The following SLC35F3 variants were observed in gnomAD, a reference collection of about 807,000 sequenced individuals.
The protein encoded by SLC35F3 is putative thiamine transporter SLC35F3.
A neutral mutation model predicts 49.9 loss-of-function variants in SLC35F3; 25 were observed. The ratio of observed to expected loss-of-function variants is 0.50; its 90% CI spans 0.37 to 0.70. The LOEUF is 0.70. Ranked by LOEUF, SLC35F3 falls within the 30% of genes least tolerant of loss-of-function variation. The probability of loss-of-function intolerance (pLI) is 0.00; values close to 1 mark genes in which losing one functional copy is unlikely to be tolerated. For synonymous variants in SLC35F3, 275 were observed against 265.4 expected, an observed-to-expected ratio of 1.04 and a Z score of -0.35; for missense variants, 525 against 639.8, an observed-to-expected ratio of 0.82 and a Z score of 1.94.
intron 2 of SLC35F3, among the ~76,000 whole-genome samples, chr1:234,010,091 A>G (rs1663692377): frequency 1.3e-5 from 2 of 152,240 alleles, no homozygotes; most frequent in Non-Finnish European, 2.9e-5. Flanking sequence ...TAGGACTGCA[A>G]TGGTGACATG....
chr1:233,949,227 C>A (rs1662565161), intron 2 of SLC35F3, among the ~76,000 whole-genome samples: 1 of 152,148 alleles, frequency 6.6e-6, no homozygotes, highest in Admixed American at 6.5e-5. Context: ...GCCTCATTTT[C>A]TTTCCCTTTT....
intron 2 of SLC35F3, among the ~76,000 whole-genome samples, chr1:234,206,366 G>C (rs1192468248): frequency 6.6e-6 from 1 of 151,926 alleles, no homozygotes; most frequent in Non-Finnish European, 1.5e-5. Context: ...ATGAGGGACA[G>C]TGTGAGGAGC....
rs540943299 is a variant in SLC35F3 at position 234,217,117 on chromosome 1, T to C, written c.284-14300T>C. On this transcript the variant is annotated intron_variant, in intron 2 of 7. Coordinates refer to ENST00000366618, the MANE Select transcript of SLC35F3 (RefSeq NM_173508.4). ...TCCCCATGCTGTGGGTGTTTCTGTA[T>C]GGATGGCAGACAGGCTACAGGGAGG... Among the ~76,000 whole-genome samples, 10 of 152,348 alleles carry C rather than the reference T, an allele frequency of 6.6e-5. No homozygotes were observed. In the South Asian group the frequency reaches 2.1e-3, roughly 32 times the overall value.
At chr1:234,282,523 G>T (rs1365937174) in intron 3 of SLC35F3, among the ~76,000 whole-genome samples, 1 of 152,214 alleles carries the variant, frequency 6.6e-6, no homozygotes, top group Non-Finnish European at 1.5e-5. Context: ...TAGCCTTGCT[G>T]GGGAGGGCCT....
chr1:234,066,297 A>C (rs147196481), intron 2 of SLC35F3, among the ~76,000 whole-genome samples: 20 of 151,416 alleles, frequency 1.3e-4, no homozygotes, highest in African/African-American at 4.6e-4. Flanking sequence ...TTCCCATCTT[A>C]CTCCCAGGAG....
At chr1:233,940,351 G>GAC (rs1169931370) in intron 2 of SLC35F3, among the ~76,000 whole-genome samples, 89 of 131,742 alleles carry the variant, frequency 6.8e-4, no homozygotes, top group Middle Eastern at 3.7e-3. Context: ...AAGGGATACA[G>GAC]ACACACACAC....
At chr1:234,058,319 T>C (rs1347770033) in intron 2 of SLC35F3, among the ~76,000 whole-genome samples, 2 of 147,964 alleles carry the variant, frequency 1.4e-5, no homozygotes, top group African/African-American at 5.1e-5. Flanking sequence ...TCTTTATAAA[T>C]GTTCCTGAAT....
intron 3 of SLC35F3, among the ~76,000 whole-genome samples, chr1:234,267,493 T>C (rs1668006286): frequency 1.4e-5 from 2 of 144,700 alleles, no homozygotes; most frequent in African/African-American, 5.3e-5. Flanking sequence ...ATGGGGCGGC[T>C]GGCCGGGCGG....
At chr1:234,135,376 A>C (rs910636610) in intron 2 of SLC35F3, among the ~76,000 whole-genome samples, 1 of 152,230 alleles carries the variant, frequency 6.6e-6, no homozygotes, top group Non-Finnish European at 1.5e-5. Context: ...AAAAATGAAA[A>C]AAATTAAAAA....
chr1:234,041,147 AGTTAATT>A (rs1664214275), intron 2 of SLC35F3, among the ~76,000 whole-genome samples: 2 of 152,220 alleles, frequency 1.3e-5, no homozygotes, highest in Non-Finnish European at 2.9e-5. Context: ...CTGCTTCTAC[AGTTAATT>A]GTGAAACACA....
intron 2 of SLC35F3, among the ~76,000 whole-genome samples, chr1:234,110,932 CA>C (rs1358064773): frequency 6.6e-6 from 1 of 151,844 alleles, no homozygotes; most frequent in Non-Finnish European, 1.5e-5. Flanking sequence ...CCCCATAAAA[CA>C]AAATTTTAAA....
intron 3 of SLC35F3, among the ~76,000 whole-genome samples, chr1:234,236,856 G>T (rs998948778): frequency 2.0e-5 from 3 of 148,970 alleles, no homozygotes; most frequent in Non-Finnish European, 4.4e-5. Flanking sequence ...AGATGTGGAT[G>T]ACAATTGTTG....
At chr1:234,021,466 A>G (rs907332356) in intron 2 of SLC35F3, among the ~76,000 whole-genome samples, 3 of 152,200 alleles carry the variant, frequency 2.0e-5, no homozygotes, top group African/African-American at 7.2e-5. Context: ...ATATTTTATC[A>G]ACCAACTGGA....
intron 2 of SLC35F3, among the ~76,000 whole-genome samples, chr1:234,212,131 C>T (rs748781031): frequency 6.6e-6 from 1 of 152,230 alleles, no homozygotes; most frequent in Non-Finnish European, 1.5e-5. Flanking sequence ...TGTGAGGCCT[C>T]CCCAGCCACG....
At chr1:234,090,799 T>C (rs1558226673) in intron 2 of SLC35F3, among the ~76,000 whole-genome samples, 2 of 152,140 alleles carry the variant, frequency 1.3e-5, no homozygotes, top group African/African-American at 2.4e-5. Context: ...GAAAAACAAC[T>C]ATAAGCACCT....
At chr1:234,300,727 A>G (rs1370593176) in intron 3 of SLC35F3, among the ~76,000 whole-genome samples, 2 of 152,228 alleles carry the variant, frequency 1.3e-5, no homozygotes, top group African/African-American at 4.8e-5. Context: ...TTAACCAACC[A>G]AAGAGGTTGG....
At chr1:234,282,081 C>T (rs1202817982) in intron 3 of SLC35F3, among the ~76,000 whole-genome samples, 1 of 152,180 alleles carries the variant, frequency 6.6e-6, no homozygotes, top group African/African-American at 2.4e-5. Flanking sequence ...ACAAAGGCCT[C>T]TCTCAACACC....
At chr1:234,254,937 T>TAG (rs1315730409) in intron 3 of SLC35F3, among the ~76,000 whole-genome samples, 17 of 152,238 alleles carry the variant, frequency 1.1e-4, no homozygotes, top group African/African-American at 3.6e-4. Flanking sequence ...ATTTAGTACT[T>TAG]TTGTTAGTAA....
intron 3 of SLC35F3, among the ~76,000 whole-genome samples, chr1:234,298,492 G>C (rs1668640340): frequency 6.6e-6 from 1 of 152,248 alleles, no homozygotes; most frequent in Admixed American, 6.5e-5. Flanking sequence ...TAGTGGCTTA[G>C]ACGAAGTGTT....
Sources: allele counts gnomAD v4.1 joint callset (sites outside exome capture counted in the v4.1 genomes callset), GRCh38; gene constraint gnomAD v4.1.1; transcripts MANE v1.5; gene names NCBI Gene and HGNC (gene_info 2026-07-23, HGNC 2026-07-21).